The following FBXL17 variants were observed in gnomAD, a reference collection of about 807,000 sequenced individuals.
FBXL17 encodes F-box and leucine rich repeat protein 17.
A neutral mutation model predicts 66.2 loss-of-function variants in FBXL17; 22 were observed. The ratio of observed to expected loss-of-function variants is 0.33; its 90% CI spans 0.24 to 0.47. The LOEUF (loss-of-function observed/expected upper bound fraction) is 0.47. FBXL17 is among the 20% of genes least tolerant of loss of function. FBXL17 has a pLI of 1.00. For missense variants in FBXL17, 878 were observed against 948.2 expected (o/e 0.93, Z 0.97); for synonymous variants, 474 against 400.5 (o/e 1.18, Z -2.19).
Position 108,381,271 on chromosome 5 carries a change from A to G in FBXL17, c.421T>C (p.Cys141Arg). Residue 141 changes from cysteine (C) to arginine (R), a missense_variant, in exon 1 of 9, where the codon TGC becomes CGC. Transcript: ENST00000542267. Reference sequence around the variant, plus strand: ...GCCGCAGCCAGCCCCAACTCTTTGCAGCAGGAGGCGGGCGACGAAGCCGAG... The same window carrying G: ...GCCGCAGCCAGCCCCAACTCTTTGCGGCAGGAGGCGGGCGACGAAGCCGAG... ...AASASSPASC[C>R]KELGLAAAAA... 2.1e-6 allele frequency: 3 copies of G among 1,423,380 alleles called. No homozygotes were observed. The allele number at this position is 1,423,380 out of a possible 1,614,324, so 88.2% of individuals were successfully genotyped here.
intron 5 of FBXL17, among the ~76,000 whole-genome samples, chr5:108,206,086 A>C (rs1487182231): frequency 6.6e-6 from 1 of 152,120 alleles, no homozygotes; most frequent in Admixed American, 6.6e-5. Context: ...ATCAATCCAC[A>C]TATAATCGCT....
intron 4 of FBXL17, among the ~76,000 whole-genome samples, chr5:108,341,299 A>T (rs1398994885): frequency 1.3e-5 from 2 of 152,190 alleles, no homozygotes; most frequent in Non-Finnish European, 2.9e-5. Flanking sequence ...ATGTGACCAC[A>T]AACTAAATAA....
chr5:108,381,304 C>T lies in FBXL17; in HGVS notation c.388G>A (p.Ala130Thr). The T allele has an allele frequency of 4.4e-6, 6 of 1,356,322 alleles. No homozygotes were observed. The highest frequency in any genetic ancestry group is 4.7e-6 in the Non-Finnish European group (5 of 1,056,878). The allele number at this position is 1,356,322 out of a possible 1,614,324, so 84.0% of individuals were successfully genotyped here. Residue 130 changes from alanine (A) to threonine (T), a missense_variant, in exon 1 of 9, where the codon GCT (alanine) becomes ACT (threonine). Ala to Thr is a moderately conservative substitution (Grantham distance 58). Coordinates refer to ENST00000542267, the MANE Select transcript of FBXL17 (RefSeq NM_001163315.3). ...GCGGGCGACGAAGCCGAGGCGGCAG[C>T]GGCGGCGGCGGCGGCGGCCGAGGAT... ...LLSSAAAAAA[A>T]AASASSPASC...
intron 4 of FBXL17, among the ~76,000 whole-genome samples, chr5:108,312,275 G>A (rs564841706): frequency 2.6e-5 from 4 of 152,042 alleles, no homozygotes; most frequent in East Asian, 3.9e-4. Context: ...AAATTAACTC[G>A]TAGAATGTTG....
chr5:108,012,904 A>G (rs1164799701), intron 7 of FBXL17, among the ~76,000 whole-genome samples: 2 of 151,836 alleles, frequency 1.3e-5, no homozygotes, highest in Non-Finnish European at 1.5e-5. Flanking sequence ...AATCCCAGCT[A>G]CTAGGGAGGC....
intron 2 of FBXL17, among the ~76,000 whole-genome samples, 188 bp from the exon 3 acceptor site, chr5:108,365,183 G>A (rs777399156): frequency 7.9e-5 from 12 of 151,976 alleles, no homozygotes; most frequent in Non-Finnish European, 1.3e-4. Context: ...TATTGTAATT[G>A]GTCTTTGTCC....
At position 108,055,443 on chromosome 5, in the gene FBXL17, C is replaced by T. The variant is rs183775690; in HGVS notation, c.1746-34442G>A. Among the ~76,000 whole-genome samples, 159 of 150,822 alleles carry T rather than the reference C, an allele frequency of 1.1e-3. 1 individual carries two copies. The South Asian group carries it at 0.014, about 13-fold the overall frequency. On this transcript the variant is annotated intron_variant, in intron 6 of 8. Transcript: ENST00000542267. ...CTAACACAGTGAAACTCCGTCTCTA[C>T]TAACAAATACAAAAAATTAGCTGGG...
chr5:108,113,624 T>C (rs1055715658), intron 6 of FBXL17, among the ~76,000 whole-genome samples: 1 of 152,068 alleles, frequency 6.6e-6, no homozygotes, highest in Non-Finnish European at 1.5e-5. Flanking sequence ...AGAGGCACCA[T>C]TAAAAAGTAG....
At chr5:108,287,274 C>G (rs952567505) in intron 4 of FBXL17, among the ~76,000 whole-genome samples, 6 of 151,552 alleles carry the variant, frequency 4.0e-5, no homozygotes, top group African/African-American at 1.5e-4. Context: ...CAAATAGGAC[C>G]TCATTAAAGA....
chr5:108,194,778 A>G (rs997329186), intron 5 of FBXL17, among the ~76,000 whole-genome samples: 1 of 152,180 alleles, frequency 6.6e-6, no homozygotes, highest in Admixed American at 6.5e-5. Flanking sequence ...AAGTTAGGAT[A>G]ACCAGCGAAC....
chr5:108,162,655 C>T (rs760681792), intron 6 of FBXL17, among the ~76,000 whole-genome samples: 3 of 152,164 alleles, frequency 2.0e-5, no homozygotes, highest in Non-Finnish European at 4.4e-5. Context: ...AAATAGCTCA[C>T]TTGGGATAGA....
In FBXL17 at chr5:108,364,285, C is replaced by T. The variant is rs377585404; in HGVS notation, c.1374+453G>A. On this transcript the variant is annotated intron_variant, in intron 3 of 8. Transcript: ENST00000542267. Reference sequence around the variant, plus strand: ...TACTATTTTTAACCCAGTTATTGTACCAAATAGAGGTAATTAGGCCTTTGT... The same window carrying T: ...TACTATTTTTAACCCAGTTATTGTATCAAATAGAGGTAATTAGGCCTTTGT... Among the ~76,000 whole-genome samples the T allele has an allele frequency of 3.0e-4, 46 of 151,828 alleles. 2 individuals carry two copies. In the South Asian group the frequency reaches 9.3e-3, roughly 31 times the overall value.
At chr5:108,349,221 A>T (rs1291383512) in intron 3 of FBXL17, among the ~76,000 whole-genome samples, 1 of 152,222 alleles carries the variant, frequency 6.6e-6, no homozygotes, top group Non-Finnish European at 1.5e-5. Flanking sequence ...ATTTGACAAA[A>T]ATGTATGTAA....
intron 6 of FBXL17, among the ~76,000 whole-genome samples, chr5:108,110,461 A>G (rs903414454): frequency 2.0e-5 from 3 of 152,204 alleles, no homozygotes; most frequent in African/African-American, 7.2e-5. Context: ...TGTATTCATA[A>G]AGAAAATTGT....
intron 5 of FBXL17, among the ~76,000 whole-genome samples, chr5:108,221,379 C>A (rs1172291130): frequency 6.6e-6 from 1 of 152,262 alleles, no homozygotes; most frequent in Non-Finnish European, 1.5e-5. Flanking sequence ...GAGCCCCTAA[C>A]AGTCCCTTCT....
chr5:107,911,034 A>G (rs1428415344), intron 7 of FBXL17, among the ~76,000 whole-genome samples: 1 of 152,126 alleles, frequency 6.6e-6, no homozygotes, highest in South Asian at 2.1e-4. Context: ...CATGATTTTT[A>G]AGAAAAGTTT....
intron 6 of FBXL17, among the ~76,000 whole-genome samples, chr5:108,182,828 TAGA>T: frequency 6.6e-6 from 1 of 152,220 alleles, no homozygotes; most frequent in East Asian, 1.9e-4. Flanking sequence ...TTTAAAGAAC[TAGA>T]AGATTAGAAA....
intron 4 of FBXL17, among the ~76,000 whole-genome samples, chr5:108,339,103 A>G (rs915419401): frequency 2.0e-5 from 3 of 152,238 alleles, no homozygotes; most frequent in Non-Finnish European, 4.4e-5. Context: ...TTTGTAAACT[A>G]TATTTAGAAA....
At chr5:108,178,471 A>C (rs1238320319) in intron 6 of FBXL17, among the ~76,000 whole-genome samples, 1 of 152,236 alleles carries the variant, frequency 6.6e-6, no homozygotes, top group African/African-American at 2.4e-5. Flanking sequence ...TGTCAAAAAT[A>C]TGCTTACCTC....
Sources: gnomAD v4.1 joint callset for allele counts (sites outside exome capture counted in the v4.1 genomes callset) on GRCh38, gnomAD v4.1.1 for gene constraint, MANE v1.5 for transcripts, NCBI Gene and HGNC (gene_info 2026-07-23, HGNC 2026-07-21) for gene names.